Variants in ZNF277 observed in about 807,000 individuals in gnomAD.
ZNF277 encodes nuclear receptor-interacting factor 4.
A neutral mutation model predicts 60.7 loss-of-function variants in ZNF277; 55 were observed. That is an observed-to-expected ratio of 0.91 (90% CI 0.73 to 1.13). The LOEUF is 1.13. Among genes scored for constraint, ZNF277 ranks in the 50% most tolerant of loss-of-function variants. ZNF277 has a pLI of 0.00. For missense variants in ZNF277, 510 were observed against 523.0 expected (o/e 0.98, Z 0.24); for synonymous variants, 178 against 179.3 (o/e 0.99, Z 0.06).
intron 11 of ZNF277, among the ~76,000 whole-genome samples, chr7:112,341,620 C>T (rs62473150): frequency 0.049 from 7,522 of 152,262 alleles, 315 homozygotes; most frequent in African/African-American, 0.11. Context: ...AAAAATTAAG[C>T]AGTTGGTCAT....
intron 1 of ZNF277, among the ~76,000 whole-genome samples, chr7:112,220,805 A>C (rs893859255): frequency 2.6e-5 from 4 of 152,176 alleles, no homozygotes; most frequent in African/African-American, 9.7e-5. Context: ...TAATTAGGCA[A>C]AAACAGGAGG....
intron 5 of ZNF277, among the ~76,000 whole-genome samples, chr7:112,321,269 C>T (rs1466055326): frequency 6.6e-6 from 1 of 151,802 alleles, no homozygotes; most frequent in Admixed American, 6.6e-5. Flanking sequence ...TTAGTGTTTG[C>T]CCTGGGGATT....
intron 1 of ZNF277, 32 bp from the exon 2 acceptor site, chr7:112,286,841 C>CTTTTTTTTTCTTTTTT (rs1792074404): frequency 1.3e-6 from 1 of 788,896 alleles, no homozygotes; most frequent in African/African-American, 3.1e-5. Context: ...TTCTTTCTTT[C>CTTTTTTTTTCTTTTTT]TTTTTTTTTT....
intron 1 of ZNF277, among the ~76,000 whole-genome samples, chr7:112,250,163 G>A (rs1000381889): frequency 1.3e-5 from 2 of 152,112 alleles, no homozygotes; most frequent in African/African-American, 2.4e-5. Context: ...CCCCCCGGGC[G>A]TTTAGTCTCA....
chr7:112,282,643 A>G (rs957135776), intron 1 of ZNF277, among the ~76,000 whole-genome samples: 1 of 152,224 alleles, frequency 6.6e-6, no homozygotes, highest in South Asian at 2.1e-4. Context: ...CCTCAGGCTT[A>G]GACACTGCAG....
chr7:112,221,641 A>T (rs2116962700), intron 1 of ZNF277, among the ~76,000 whole-genome samples: 1 of 152,284 alleles, frequency 6.6e-6, no homozygotes, highest in African/African-American at 2.4e-5. Flanking sequence ...GGAGACAGTG[A>T]CAGACCATCA....
At position 112,300,038 on chromosome 7, in the gene ZNF277, A is replaced by G. The variant is rs553289420; in HGVS notation, c.465+3727A>G. Reference sequence around the variant, plus strand: ...AAACATCCTTCCTAGTCCTCCCTATACTCCTAAGTTCATATTGTTATTTTT... The same window carrying G: ...AAACATCCTTCCTAGTCCTCCCTATGCTCCTAAGTTCATATTGTTATTTTT... On this transcript the variant is annotated intron_variant, in intron 4 of 11. Coordinates refer to ENST00000361822, the MANE Select transcript of ZNF277 (RefSeq NM_021994.3). 3.3e-5 allele frequency among the ~76,000 whole-genome samples: 5 copies of G among 152,106 alleles called. No homozygotes were observed. In the South Asian group the frequency reaches 1.0e-3, roughly 32 times the overall value.
chr7:112,321,477 A>G (rs1240997681), intron 5 of ZNF277, among the ~76,000 whole-genome samples: 2 of 152,066 alleles, frequency 1.3e-5, no homozygotes, highest in Non-Finnish European at 2.9e-5. Flanking sequence ...ATTATCTTTC[A>G]TATCAGATAT....
intron 1 of ZNF277, among the ~76,000 whole-genome samples, chr7:112,283,548 A>G (rs1334476467): frequency 1.3e-5 from 2 of 152,122 alleles, no homozygotes; most frequent in Non-Finnish European, 2.9e-5. Flanking sequence ...CCCAAATACA[A>G]CTTAATACCT....
chr7:112,237,351 GAAGAA>G (rs1434030621), intron 1 of ZNF277, among the ~76,000 whole-genome samples: 1 of 151,990 alleles, frequency 6.6e-6, no homozygotes, highest in Non-Finnish European at 1.5e-5. Context: ...AAAGCTAGCA[GAAGAA>G]AAGAAGTAAC....
chr7:112,323,226 T>G (rs561443547), intron 5 of ZNF277, among the ~76,000 whole-genome samples: 2 of 152,300 alleles, frequency 1.3e-5, no homozygotes, highest in South Asian at 4.1e-4. Context: ...GCCTTCTAGA[T>G]CCCCAGGAAA....
At chr7:112,301,165 G>A (rs981171112) in intron 4 of ZNF277, among the ~76,000 whole-genome samples, 14 of 151,608 alleles carry the variant, frequency 9.2e-5, no homozygotes, top group Non-Finnish European at 1.3e-4. Context: ...TCTGCTTCCC[G>A]GGGTCAAGTG....
intron 1 of ZNF277, among the ~76,000 whole-genome samples, chr7:112,283,427 A>G (rs1281861370): frequency 6.6e-6 from 1 of 152,110 alleles, no homozygotes; most frequent in Non-Finnish European, 1.5e-5. Context: ...GAAGGCTGAC[A>G]CAGGAGACTC....
chr7:112,209,769 G>A (rs1821687492), intron 1 of ZNF277, among the ~76,000 whole-genome samples: 1 of 151,994 alleles, frequency 6.6e-6, no homozygotes, highest in Admixed American at 6.6e-5. Flanking sequence ...TTTTTTGTTA[G>A]GCAGTCATTT....
chr7:112,319,703 A>AT (rs1360577579), intron 5 of ZNF277, among the ~76,000 whole-genome samples: 4 of 148,124 alleles, frequency 2.7e-5, no homozygotes, highest in Non-Finnish European at 4.5e-5. Context: ...TTTATAAATT[A>AT]AATTTATAAA....
At chr7:112,288,389 A>G (rs965082913) in intron 2 of ZNF277, 3 of 152,192 alleles carry the variant, frequency 2.0e-5, no homozygotes, top group African/African-American at 7.2e-5. Context: ...CATATAAAAC[A>G]TTCCTAGCAA....
chr7:112,337,973 C>T (rs1584422984), intron 9 of ZNF277, 147 bp downstream of exon 9: 1 of 609,768 alleles, frequency 1.6e-6, no homozygotes, highest in East Asian at 3.2e-5. Flanking sequence ...AGAACCAGAG[C>T]TCAGGGCAAT....
chr7:112,341,150 A>C, intron 11 of ZNF277, 104 bp downstream of exon 11: 1 of 1,139,952 alleles, frequency 8.8e-7, no homozygotes, highest in Non-Finnish European at 1.2e-6. Context: ...ATACATATTT[A>C]TTATAAAAAG....
At chr7:112,296,370 A>T in intron 4 of ZNF277, 59 bp downstream of exon 4, 1 of 857,944 alleles carries the variant, frequency 1.2e-6, no homozygotes, top group East Asian at 2.9e-5. Context: ...ATACATATAA[A>T]ATCATATTGG....
Sources: gnomAD v4.1 joint callset for allele counts (sites outside exome capture counted in the v4.1 genomes callset) on GRCh38, gnomAD v4.1.1 for gene constraint, MANE v1.5 for transcripts, NCBI Gene and HGNC (gene_info 2026-07-23, HGNC 2026-07-21) for gene names.